The following SLCO5A1 variants were observed in gnomAD, a reference collection of about 807,000 sequenced individuals.
SLCO5A1 encodes solute carrier organic anion transporter family member 5A1.
In SLCO5A1, 39 loss-of-function variants were observed where a neutral mutation model predicts 65.1. The observed-to-expected ratio is 0.60, with a 90% CI of 0.46 to 0.78. The LOEUF (loss-of-function observed/expected upper bound fraction) is 0.78. Among genes scored for constraint, SLCO5A1 ranks in the 30% least tolerant of loss-of-function variants. The pLI is 0.00. For synonymous variants in SLCO5A1, 438 were observed against 415.7 expected (o/e 1.05, Z -0.65); for missense variants, 1,029 against 1,069.4 (o/e 0.96, Z 0.53).
intron 6 of SLCO5A1, among the ~76,000 whole-genome samples, chr8:69,688,520 T>G (rs35205902): frequency 2.0e-5 from 3 of 151,522 alleles, no homozygotes. Flanking sequence ...CAGAGTGTGA[T>G]GTTCCCCTTC....
At position 69,673,287 on chromosome 8, in the gene SLCO5A1, T is replaced by C. The variant is rs1209192253; in HGVS notation, c.2129A>G (p.Asp710Gly). 6.2e-7 allele frequency: 1 copy of C among 1,614,038 alleles called. No homozygotes were observed. Among genetic ancestry groups the C allele is most frequent in the Non-Finnish European group, 8.5e-7 (1 of 1,180,008 alleles). The change falls in exon 10 of 10, where the codon GAC becomes GGC. Residue 710 changes from aspartate (D) to glycine (G), a missense_variant. Asp to Gly is a moderately conservative substitution (Grantham distance 94). Transcript: ENST00000260126. ...CTGTTGCCAGAGCATGCAGGTGGTG[T>C]CAATGACTGCTCCAAAGTAGATTGG... is the stretch of plus-strand genomic sequence containing the variant. ...PTPIYFGAVI[D>G]TTCMLWQQEC...
intron 5 of SLCO5A1, among the ~76,000 whole-genome samples, chr8:69,719,111 A>G (rs1815700441): frequency 1.3e-5 from 2 of 152,338 alleles, no homozygotes; most frequent in South Asian, 4.1e-4. Flanking sequence ...ACATTTTGTA[A>G]CAAGAAGAAA....
rs949638181 is a variant in SLCO5A1, at chr8:69,833,110, C to G, written c.-437G>C. The G allele has an allele frequency of 1.2e-5, 2 of 166,186 alleles. No homozygotes were observed. Among genetic ancestry groups the G allele is most frequent in the Non-Finnish European group, 2.6e-5 (2 of 77,712 alleles). 10.3% of individuals were successfully genotyped at this position (166,186 alleles called of 1,614,324 possible). A position where few individuals can be genotyped will look rare whatever the true frequency, so the allele number is the denominator to read the frequency against. On this transcript the variant is annotated 5_prime_UTR_variant, in exon 2 of 10. Transcript: ENST00000260126. The stretch of plus-strand genomic sequence containing the variant: ...CGTACAGCATCCCACCTCGCTGCGC[C>G]AGGGGTACCGGGTGTTCGCCGCCTG...
intron 2 of SLCO5A1, among the ~76,000 whole-genome samples, chr8:69,770,049 G>A (rs34280380): frequency 0.02 from 3,043 of 152,174 alleles, 60 homozygotes; most frequent in Middle Eastern, 0.045. Context: ...TTTTTAAATA[G>A]TTAGATTACA....
intron 5 of SLCO5A1, among the ~76,000 whole-genome samples, chr8:69,734,047 T>C (rs1486397403): frequency 6.6e-6 from 1 of 152,144 alleles, no homozygotes; most frequent in Non-Finnish European, 1.5e-5. Context: ...AAACACACTA[T>C]ACCAGAGGAG....
intron 5 of SLCO5A1, among the ~76,000 whole-genome samples, chr8:69,729,199 C>T (rs1291116734): frequency 1.3e-5 from 2 of 152,270 alleles, no homozygotes; most frequent in South Asian, 4.1e-4. Context: ...AATCCCAGCA[C>T]TTTGGGAGGC....
rs145433701 is a variant in SLCO5A1 at position 69,707,304 on chromosome 8, G to A, written c.1424-2075C>T. Reference sequence around the variant, plus strand: ...GTCTTCCCTGGATGAAATCTGGGAGGGTTTTACACAAGTGGCAGTATTTGA... The same window carrying A: ...GTCTTCCCTGGATGAAATCTGGGAGAGTTTTACACAAGTGGCAGTATTTGA... On this transcript the variant is annotated intron_variant, in intron 5 of 9. Transcript: ENST00000260126. 2.6e-3 allele frequency among the ~76,000 whole-genome samples: 391 copies of A among 152,262 alleles called. 1 individual carries two copies. The highest frequency in any genetic ancestry group is 7.9e-3 in the African/African-American group (329 of 41,552).
chr8:69,682,675 T>C (rs530892131), intron 6 of SLCO5A1, among the ~76,000 whole-genome samples: 1 of 152,318 alleles, frequency 6.6e-6, no homozygotes, highest in Admixed American at 6.5e-5. Flanking sequence ...TCACTTACTG[T>C]AGGCGCCAGG....
intron 2 of SLCO5A1, among the ~76,000 whole-genome samples, chr8:69,779,301 C>T (rs1023595153): frequency 7.2e-5 from 11 of 151,964 alleles, no homozygotes; most frequent in African/African-American, 1.5e-4. Flanking sequence ...TTTATTTAGA[C>T]GCATATCTGA....
intron 2 of SLCO5A1, among the ~76,000 whole-genome samples, chr8:69,766,287 C>G (rs1048034882): frequency 1.3e-5 from 2 of 152,140 alleles, no homozygotes; most frequent in African/African-American, 4.8e-5. Flanking sequence ...CTTCTTGGCT[C>G]ACACCCTCCA....
At chr8:69,717,443 T>C (rs190568533) in intron 5 of SLCO5A1, among the ~76,000 whole-genome samples, 6 of 152,334 alleles carry the variant, frequency 3.9e-5, no homozygotes, top group Admixed American at 3.9e-4. Context: ...CTCTACCCTA[T>C]TTTACTGATG....
chr8:69,831,864 C>A lies in SLCO5A1; in HGVS notation c.810G>T (p.Ala270=). 6.2e-7 allele frequency: 1 copy of A among 1,613,654 alleles called. No individual in the cohort carries two copies. Among genetic ancestry groups the A allele is most frequent in the East Asian group, 2.2e-5 (1 of 44,868 alleles). ...TGGAGCCCATTCCAATGAGAATCTG[C>A]GCGCAAATGAATAAAGCCACGTAGA... The part of the protein sequence containing the change: ...HWVYVALFIC[A]QILIGMGSTP... The change falls in exon 2 of 10, where the codon GCG becomes GCT. Residue 270 remains alanine, a synonymous_variant. Transcript: ENST00000260126.
intron 5 of SLCO5A1, among the ~76,000 whole-genome samples, chr8:69,709,338 A>G (rs1200483025): frequency 6.6e-6 from 1 of 152,210 alleles, no homozygotes; most frequent in African/African-American, 2.4e-5. Flanking sequence ...ACAATGCAAG[A>G]TCCTTGAGAA....
chr8:69,750,113 A>G (rs1817226641), intron 4 of SLCO5A1, among the ~76,000 whole-genome samples: 1 of 152,238 alleles, frequency 6.6e-6, no homozygotes, highest in Non-Finnish European at 1.5e-5. Context: ...AAAGTCGAAG[A>G]GGTAACCAGG....
Position 69,725,253 on chromosome 8 carries a change from A to G in SLCO5A1, c.1423+12787T>C, listed in dbSNP as rs141043627. ...AAACCCACAACCTTTCTCCTATACC[A>G]TATTGGTTCAGTACAGAGCAGGTAG... On this transcript the variant is annotated intron_variant, in intron 5 of 9. Coordinates refer to ENST00000260126, the MANE Select transcript of SLCO5A1 (RefSeq NM_030958.3). Among the ~76,000 whole-genome samples the G allele has an allele frequency of 1.1e-3, 161 of 152,140 alleles. 4 individuals are homozygous for G. The East Asian group carries it at 0.029, about 27-fold the overall frequency.
Position 69,670,255 on chromosome 8 carries a change from G to A in SLCO5A1, c.*2614C>T, listed in dbSNP as rs1384121306. On this transcript the variant is annotated 3_prime_UTR_variant, in exon 10 of 10. Transcript: ENST00000260126. ...GAGTCTTCATTAAAACTTCTAATAGGAGCTGTGACTATAAAGTAATGGGAT... is the reference window on the plus strand; with the variant it reads ...GAGTCTTCATTAAAACTTCTAATAGAAGCTGTGACTATAAAGTAATGGGAT... The A allele has an allele frequency of 6.6e-6, 1 of 152,082 alleles. No individual in the cohort carries two copies. Among genetic ancestry groups the A allele is most frequent in the Non-Finnish European group, 1.5e-5 (1 of 68,020 alleles). The allele number at this position is 152,082 out of a possible 1,614,324, so 9.4% of individuals were successfully genotyped here.
intron 2 of SLCO5A1, among the ~76,000 whole-genome samples, chr8:69,789,328 G>A (rs966754285): frequency 6.6e-6 from 1 of 152,230 alleles, no homozygotes; most frequent in African/African-American, 2.4e-5. Flanking sequence ...TGCTGGATGT[G>A]TGACAAAAAT....
rs1285213536 is a variant in SLCO5A1, at chr8:69,832,848, T to C, written c.-175A>G. 1.4e-6 allele frequency: 1 copy of C among 699,440 alleles called. No homozygotes were observed. Among genetic ancestry groups the C allele is most frequent in the East Asian group, 2.8e-5 (1 of 35,758 alleles). The allele number at this position is 699,440 out of a possible 1,614,324, so 43.3% of individuals were successfully genotyped here. On this transcript the variant is annotated 5_prime_UTR_variant, in exon 2 of 10. An upstream start codon of the reference 5' UTR is lost. Transcript: ENST00000260126. This position sits in a 1 kb window ranked among gnomAD's most constrained non-coding sequence, Gnocchi z 4.5. ...CACCAGCTGCGAGGCGCCCAGTGCA[T>C]CCTGATCACAGACACGGCTTCAAGG...
intron 2 of SLCO5A1, among the ~76,000 whole-genome samples, chr8:69,822,328 A>G (rs1341103562): frequency 6.6e-6 from 1 of 152,124 alleles, no homozygotes; most frequent in African/African-American, 2.4e-5. Context: ...AGGTGCAAAT[A>G]TGCATTACTT....
Sources: allele counts gnomAD v4.1 joint callset (sites outside exome capture counted in the v4.1 genomes callset), GRCh38; gene constraint gnomAD v4.1.1; non-coding constraint Gnocchi (gnomAD v3.1); transcripts MANE v1.5; gene names NCBI Gene and HGNC (gene_info 2026-07-23, HGNC 2026-07-21).